The following KDM6A variants were observed in gnomAD, a reference collection of about 807,000 sequenced individuals.
KDM6A encodes the protein lysine demethylase 6A.
In KDM6A, 11 loss-of-function variants were observed where a neutral mutation model predicts 117.6. The observed-to-expected ratio is 0.09, with a 90% CI of 0.06 to 0.15. KDM6A has a LOEUF of 0.15. Ranked by LOEUF, KDM6A falls within the 10% of genes least tolerant of loss-of-function variation. The pLI is 1.00. For synonymous variants in KDM6A, 384 were observed against 396.1 expected (o/e 0.97, Z 0.36); for missense variants, 799 against 1,077.3 (o/e 0.74, Z 3.62).
chrX:45,033,300 G>C (rs1159033797), intron 6 of KDM6A, among the ~76,000 whole-genome samples: 2 of 112,131 alleles, frequency 1.8e-5, no homozygotes, highest in African/African-American at 6.5e-5. Flanking sequence ...AGGGATGTTT[G>C]AAGACACAGT....
chrX:44,992,326 G>A (rs769375524), intron 4 of KDM6A, among the ~76,000 whole-genome samples: 8 of 93,705 alleles, frequency 8.5e-5, no homozygotes, highest in South Asian at 1.2e-3. Flanking sequence ...CCGGGTTCAA[G>A]CAATTCTCCT....
At chrX:45,068,531 C>T (rs1247901455) in intron 17 of KDM6A, among the ~76,000 whole-genome samples, 1 of 95,459 alleles carries the variant, frequency 1.0e-5, no homozygotes, top group East Asian at 3.2e-4. Context: ...TTAGTGGAGA[C>T]TTAAAATGTC....
At position 44,889,211 on chromosome X, in the gene KDM6A, C is replaced by T. The variant is rs182817547; in HGVS notation, c.225+15224C>T. On this transcript the variant is annotated intron_variant, in intron 2 of 29. Transcript: ENST00000611820. The stretch of plus-strand genomic sequence containing the variant: ...TGTAATTTTAGTAGAGACAGGGTTT[C>T]GCCACGTTGGCCAGGCTGGTCTTGA... Among the ~76,000 whole-genome samples, 14 of 111,354 alleles carry T rather than the reference C, an allele frequency of 1.3e-4. No homozygotes were observed. The East Asian group carries it at 2.3e-3, about 18-fold the overall frequency.
rs1440111306 is a variant in KDM6A, at chrX:45,042,235, GACCGTGGAA to G, written c.654+4547_654+4555del. Among the ~76,000 whole-genome samples the G allele has an allele frequency of 8.2e-3, 683 of 82,975 alleles. 97 individuals are homozygous for G. Among genetic ancestry groups the G allele is most frequent in the African/African-American group, 0.035 (633 of 17,841 alleles). The allele number at this position is 82,975 out of a possible 115,157, so 72.1% of individuals were successfully genotyped here. A position where few individuals can be genotyped will look rare whatever the true frequency, so the allele number is the denominator to read the frequency against. ...CAGCTTCGGCTCGGCATCAGAGGGA[GACCGTGGAA>G]GGAGACCGTGGAGGGAGAGGGGAGA... On this transcript the variant is annotated intron_variant, in intron 8 of 29. Coordinates refer to ENST00000611820, the MANE Select transcript of KDM6A (RefSeq NM_001291415.2).
At chrX:44,987,085 C>G (rs998108337) in intron 4 of KDM6A, among the ~76,000 whole-genome samples, 1 of 111,632 alleles carries the variant, frequency 9.0e-6, no homozygotes, top group East Asian at 2.8e-4. Context: ...CTTTATGAAT[C>G]TGGGTGCTCC....
intron 5 of KDM6A, among the ~76,000 whole-genome samples, chrX:45,018,219 A>G (rs1265687242): frequency 9.0e-6 from 1 of 111,357 alleles, no homozygotes; most frequent in East Asian, 2.8e-4. Context: ...TAAGGAGACT[A>G]TTTCAGTAAT....
rs763171640 is a variant in KDM6A at position 44,918,708 on chromosome X, T to C, written c.226-42576T>C. On this transcript the variant is annotated intron_variant, in intron 2 of 29. Coordinates refer to ENST00000611820, the MANE Select transcript of KDM6A (RefSeq NM_001291415.2). ...CAGTTTTTGTGTGGTTGAAGAATTA[T>C]CAGTTTGAACTAATAAACTAGAATA... Among the ~76,000 whole-genome samples the C allele has an allele frequency of 3.6e-5, 4 of 111,964 alleles. No individual in the cohort carries two copies. In the South Asian group the frequency reaches 1.1e-3, roughly 31 times the overall value.
chrX:45,048,613 G>GCCATTTCTATTTGAGTTCTAGCCAGC (rs1236531720), intron 8 of KDM6A, among the ~76,000 whole-genome samples: 2 of 109,562 alleles, frequency 1.8e-5, no homozygotes, highest in Non-Finnish European at 3.8e-5. Flanking sequence ...TAGTAAGACT[G>GCCATTTCTATTTGAGTTCTAGCCAGC]CCATTTCTAT....
At chrX:44,977,380 G>A (rs902274895) in intron 4 of KDM6A, among the ~76,000 whole-genome samples, 4 of 110,681 alleles carry the variant, frequency 3.6e-5, no homozygotes, top group African/African-American at 6.6e-5. Flanking sequence ...TCAGCCTCTC[G>A]AGGAGCTGGG....
chrX:44,992,815 G>A (rs1419908228), intron 4 of KDM6A, among the ~76,000 whole-genome samples: 1 of 110,795 alleles, frequency 9.0e-6, no homozygotes, highest in African/African-American at 3.3e-5. Flanking sequence ...CAAAGTGCTG[G>A]GATTACAGTC....
At chrX:44,879,538 C>T (rs991459530) in intron 2 of KDM6A, among the ~76,000 whole-genome samples, 7 of 112,134 alleles carry the variant, frequency 6.2e-5, no homozygotes, top group African/African-American at 2.3e-4. Context: ...TGTAAATTAT[C>T]GTGACAGTAA....
intron 8 of KDM6A, among the ~76,000 whole-genome samples, chrX:45,038,977 T>C (rs1232312104): frequency 9.0e-6 from 1 of 110,609 alleles, no homozygotes; most frequent in Admixed American, 9.6e-5. Context: ...AAGGCATATA[T>C]GTGCCATGCA....
intron 2 of KDM6A, among the ~76,000 whole-genome samples, chrX:44,946,515 T>G (rs1055140895): frequency 2.7e-5 from 3 of 111,964 alleles, no homozygotes; most frequent in Non-Finnish European, 5.6e-5. Context: ...TGGCTTGCCT[T>G]TATACTAATT....
intron 8 of KDM6A, among the ~76,000 whole-genome samples, chrX:45,041,010 C>T (rs866893720): frequency 8.6e-5 from 7 of 81,201 alleles, no homozygotes; most frequent in African/African-American, 3.4e-4. Flanking sequence ...ACCCCCCCAC[C>T]TCCCTCCCGG....
chrX:44,953,098 G>A (rs1202904381), intron 2 of KDM6A, among the ~76,000 whole-genome samples: 1 of 109,506 alleles, frequency 9.1e-6, no homozygotes, highest in African/African-American at 3.3e-5. Flanking sequence ...GTTCTTAAGC[G>A]AGGAAAGAGG....
Position 45,047,685 on chromosome X carries a change from T to C in KDM6A, c.655-4024T>C, listed in dbSNP as rs1241762243. On this transcript the variant is annotated intron_variant, in intron 8 of 29. Coordinates refer to ENST00000611820, the MANE Select transcript of KDM6A (RefSeq NM_001291415.2). ...CTTGCTTTTTTTTTCTTTTTTTTTTTTTTTTTTTTTTTTTTTTTGACAGGA... is the reference window on the plus strand; with the variant it reads ...CTTGCTTTTTTTTTCTTTTTTTTTTCTTTTTTTTTTTTTTTTTTGACAGGA... Among the ~76,000 whole-genome samples the C allele has an allele frequency of 2.1e-3, 148 of 68,915 alleles. 4 individuals are homozygous for C. The highest frequency in any genetic ancestry group is 7.2e-3 in the African/African-American group (139 of 19,300). 59.8% of individuals were successfully genotyped at this position (68,915 alleles called of 115,157 possible).
intron 2 of KDM6A, among the ~76,000 whole-genome samples, chrX:44,886,490 T>C (rs769412950): frequency 8.1e-4 from 85 of 105,295 alleles, no homozygotes; most frequent in South Asian, 6.3e-3. Context: ...CTACTTACTA[T>C]CTTTTTTTTT....
At chrX:45,068,933 C>G (rs1420811019) in intron 17 of KDM6A, among the ~76,000 whole-genome samples, 1 of 109,530 alleles carries the variant, frequency 9.1e-6, no homozygotes, top group African/African-American at 3.3e-5. Context: ...TGGCCTCAAA[C>G]GATCCTCCTG....
chrX:44,991,410 G>C (rs1181698704), intron 4 of KDM6A, among the ~76,000 whole-genome samples: 1 of 107,234 alleles, frequency 9.3e-6, no homozygotes, highest in East Asian at 2.9e-4. Context: ...TTTTTGTCCA[G>C]ACCACTATCT....
Sources: gnomAD v4.1 joint callset for allele counts (sites outside exome capture counted in the v4.1 genomes callset) on GRCh38, gnomAD v4.1.1 for gene constraint, MANE v1.5 for transcripts, NCBI Gene and HGNC (gene_info 2026-07-23, HGNC 2026-07-21) for gene names.